Variants in RANGAP1 observed in about 807,000 individuals in gnomAD.
RANGAP1 encodes the protein ran GTPase-activating protein 1.
In RANGAP1, 38 loss-of-function variants were observed where a neutral mutation model predicts 63.5. The observed-to-expected ratio is 0.60, with a 90% CI of 0.46 to 0.78. The LOEUF (loss-of-function observed/expected upper bound fraction) is 0.78. Ranked by LOEUF, RANGAP1 falls within the 30% of genes least tolerant of loss-of-function variation. The pLI is 0.00. For missense variants in RANGAP1, 630 were observed against 740.3 expected (o/e 0.85, Z 1.73); for synonymous variants, 329 against 310.5 (o/e 1.06, Z -0.63).
chr22:41,274,792 G>C, intron 2 of RANGAP1, 65 bp from the exon 3 acceptor site: 1 of 1,596,250 alleles, frequency 6.3e-7, no homozygotes, highest in South Asian at 1.1e-5. Context: ...ATAGGAGAGA[G>C]GTTGGCAACC....
In RANGAP1 at chr22:41,268,117, T is replaced by C. The variant is rs779869384; in HGVS notation, c.280A>G (p.Thr94Ala). The C allele has an allele frequency of 3.9e-6, 6 of 1,558,158 alleles. No individual in the cohort carries two copies. The highest frequency in any genetic ancestry group is 4.3e-6 in the Non-Finnish European group (5 of 1,150,422). Residue 94 changes from threonine (T) to alanine (A), a missense_variant, in exon 4 of 16, where the codon ACC (threonine) becomes GCC (alanine). By Grantham distance (58) the Thr-to-Ala change is moderately conservative. Transcript: ENST00000356244. ...WSDMFTGRLR[T>A]EIPPALISLG... ...CTTACCAGGGCTGGTGGGATCTCGGTCCGCAGCCTTCCCGTGAACATGTCA... is the reference window on the plus strand; with the variant it reads ...CTTACCAGGGCTGGTGGGATCTCGGCCCGCAGCCTTCCCGTGAACATGTCA...
At chr22:41,290,229 C>T (rs1366200393), upstream of RANGAP1, among the ~76,000 whole-genome samples, 1 of 108,296 alleles carries the variant, frequency 9.2e-6, no homozygotes, top group Non-Finnish European at 1.9e-5. Context: ...ATTATTATTA[C>T]TTTTTTTTTT....
chr22:41,254,386 C>T lies in RANGAP1; in HGVS notation c.1182G>A (p.Glu394=), dbSNP rs1336762190. Residue 394 remains glutamate (E), a synonymous_variant, in exon 11 of 16, where the codon GAG becomes GAA. Coordinates refer to ENST00000356244, the MANE Select transcript of RANGAP1 (RefSeq NM_002883.4). ...GCCCTCGCTGCTGAGGCTCTTCTTC[C>T]TCCTCCTCCTCCTCTTCTTCCTCCT... The part of the protein sequence containing the change: ...EEEEEEEEEE[E]EEEPQQRGQG... 1 of 1,609,936 alleles carries T rather than the reference C, an allele frequency of 6.2e-7. No homozygotes were observed. The highest frequency in any genetic ancestry group is 1.3e-5 in the African/African-American group (1 of 74,612).
intron 4 of RANGAP1, among the ~76,000 whole-genome samples, chr22:41,266,168 C>T (rs1459294313): frequency 6.6e-6 from 1 of 150,658 alleles, no homozygotes; most frequent in Non-Finnish European, 1.5e-5. Context: ...TGCCACTGCA[C>T]TCCAGCCTGG....
At chr22:41,249,926 G>A (rs986482722) in intron 13 of RANGAP1, 109 bp from the exon 14 acceptor site, 8 of 944,580 alleles carry the variant, frequency 8.5e-6, no homozygotes, top group Middle Eastern at 2.5e-4. Context: ...CTGCCTCCTC[G>A]CCCTGACGAA....
At chr22:41,292,217 G>C in the RANGAP1 span, among the ~76,000 whole-genome samples, 4 of 151,786 alleles carry the variant, frequency 2.6e-5, no homozygotes, top group African/African-American at 9.7e-5. Context: ...GTGCGATCTC[G>C]GCTCACTGCA....
rs71200678 is a variant in RANGAP1 at position 41,273,766 on chromosome 22, C to CAAAAAAAAAAAAAAAAAA, written c.240+816_240+833dup. On this transcript the variant is annotated intron_variant, in intron 3 of 15. Coordinates refer to ENST00000356244, the MANE Select transcript of RANGAP1 (RefSeq NM_002883.4). ...CGGGTGACAGTGTGAGACTCCATCT[C>CAAAAAAAAAAAAAAAAAA]AAAAAAAAAAAAAAAAAAAAAAAAA... is the stretch of plus-strand genomic sequence containing the variant. Among the ~76,000 whole-genome samples the CAAAAAAAAAAAAAAAAAA allele has an allele frequency of 4.9e-4, 12 of 24,356 alleles. 2 individuals carry two copies. The highest frequency in any genetic ancestry group is 1.6e-3 in the East Asian group (1 of 642). The allele number at this position is 24,356 out of a possible 152,430, so 16.0% of individuals were successfully genotyped here.
chr22:41,287,378 TTTTG>T (rs2035776525), upstream of RANGAP1, among the ~76,000 whole-genome samples: 2 of 130,780 alleles, frequency 1.5e-5, no homozygotes. Context: ...AGCGTTTTTT[TTTTG>T]TTTTTTTTTT....
At chr22:41,268,202 A>G (rs964044065) in intron 3 of RANGAP1, 46 bp from the exon 4 acceptor site, 11 of 1,443,116 alleles carry the variant, frequency 7.6e-6, no homozygotes, top group Middle Eastern at 1.7e-4. Flanking sequence ...AGACCCCTGG[A>G]GGCCCATAGT....
At chr22:41,293,857 C>G in the RANGAP1 span, among the ~76,000 whole-genome samples, 1 of 151,712 alleles carries the variant, frequency 6.6e-6, no homozygotes, top group East Asian at 1.9e-4. Context: ...TGGGGTCTCA[C>G]TATGTTGCCC....
chr22:41,290,147 GA>G (rs549026640), upstream of RANGAP1, among the ~76,000 whole-genome samples: 14,411 of 115,290 alleles, frequency 0.12, 969 homozygotes, highest in Non-Finnish European at 0.18. Flanking sequence ...CTGTCTCAAA[GA>G]AAAAAAAAAA....
chr22:41,250,821 A>G (rs973267445), intron 13 of RANGAP1, among the ~76,000 whole-genome samples, 186 bp downstream of exon 13: 4 of 152,166 alleles, frequency 2.6e-5, no homozygotes, highest in Non-Finnish European at 4.4e-5. Context: ...TCAGTGGTGA[A>G]AAACAGGGAG....
chr22:41,272,192 C>T (rs2034879382), intron 3 of RANGAP1, among the ~76,000 whole-genome samples: 1 of 152,144 alleles, frequency 6.6e-6, no homozygotes, highest in Non-Finnish European at 1.5e-5. Context: ...AGCCTTCAGG[C>T]CCATGGCTCC....
At chr22:41,286,199 G>A (rs541900203), upstream of RANGAP1, 1 of 152,464 alleles carries the variant, frequency 6.6e-6, no homozygotes, top group Admixed American at 6.5e-5. Flanking sequence ...GATGATGGCG[G>A]AGGAGGAGGA....
At chr22:41,262,342 A>C (rs899223813) in intron 5 of RANGAP1, among the ~76,000 whole-genome samples, 2 of 152,190 alleles carry the variant, frequency 1.3e-5, no homozygotes, top group African/African-American at 4.8e-5. Flanking sequence ...GAGCGAGTGC[A>C]CCGAGAGAAG....
intron 6 of RANGAP1, among the ~76,000 whole-genome samples, chr22:41,260,950 C>G (rs1037272571): frequency 2.6e-5 from 4 of 152,192 alleles, no homozygotes; most frequent in African/African-American, 9.7e-5. Flanking sequence ...CAGCAATGTC[C>G]TGCGGGGATG....
At chr22:41,268,960 G>A (rs1230049668) in intron 3 of RANGAP1, among the ~76,000 whole-genome samples, 1 of 152,168 alleles carries the variant, frequency 6.6e-6, no homozygotes, top group Non-Finnish European at 1.5e-5. Flanking sequence ...CAGGCTCAGA[G>A]CCATTAAACA....
rs567733691 is a variant in RANGAP1, at chr22:41,251,099, G to A, written c.1391C>T (p.Ser464Phe). 2 of 1,613,948 alleles carry A rather than the reference G, an allele frequency of 1.2e-6. No homozygotes were observed. Among genetic ancestry groups the A allele is most frequent in the African/African-American group, 2.7e-5 (2 of 75,044 alleles). ...GGCAGAGACCACCTTCTCGGGGTCAGACGTGTCAGTCTGAGGACAAAAGAG... is the reference window on the plus strand; with the variant it reads ...GGCAGAGACCACCTTCTCGGGGTCAAACGTGTCAGTCTGAGGACAAAAGAG... ...SVLIAQQTDT[S>F]DPEKVVSAFL... The change falls in exon 13 of 16, where the codon TCT becomes TTT. Residue 464 changes from serine (S) to phenylalanine (F), a missense_variant. Ser to Phe is a radical substitution (Grantham distance 155, BLOSUM62 -2). Around this residue, in one of 3 missense-constraint regions of RANGAP1, gnomAD observed 428 missense variants for 465.5 expected, o/e 0.92. Transcript: ENST00000356244.
chr22:41,260,296 C>T (rs2034089975), intron 6 of RANGAP1, among the ~76,000 whole-genome samples: 1 of 152,160 alleles, frequency 6.6e-6, no homozygotes, highest in African/African-American at 2.4e-5. Flanking sequence ...CCCCTCCTCC[C>T]AGTGCACTGA....
Sources: gnomAD v4.1 joint callset for allele counts (sites outside exome capture counted in the v4.1 genomes callset) on GRCh38, gnomAD v4.1.1 for gene constraint, gnomAD v4.1.1 regional missense constraint, MANE v1.5 for transcripts, NCBI Gene and HGNC (gene_info 2026-07-23, HGNC 2026-07-21) for gene names.